EXT1: variants seen among roughly 807,000 people sequenced by gnomAD.
EXT1 encodes exostosin-1.
Under a neutral mutation model 82.5 loss-of-function variants are expected in EXT1, and 20 were observed. That is an observed-to-expected ratio of 0.24 (90% CI 0.17 to 0.35). EXT1 has a LOEUF of 0.35. Ranked by LOEUF, EXT1 falls within the 10% of genes least tolerant of loss-of-function variation. EXT1 has a pLI of 1.00. For missense variants in EXT1, 757 were observed against 936.5 expected (o/e 0.81, Z 2.50); for synonymous variants, 348 against 350.8 (o/e 0.99, Z 0.09).
In EXT1 at chr8:117,930,116, AT is replaced by A. The variant is rs935176343; in HGVS notation, c.963-92916del. On this transcript the variant is annotated intron_variant, in intron 1 of 10. Transcript: ENST00000378204. ...GAGACTCCATCTCAAAAAAAAAAAA[AT>A]AAAGACAGAAGAGAAGAGGAAGAGT... 8.6e-5 allele frequency among the ~76,000 whole-genome samples: 13 copies of A among 151,760 alleles called. No individual in the cohort carries two copies. The South Asian group carries it at 1.9e-3, about 22-fold the overall frequency.
intron 1 of EXT1, among the ~76,000 whole-genome samples, chr8:117,848,590 A>C (rs1025522119): frequency 6.6e-6 from 1 of 152,262 alleles, no homozygotes; most frequent in East Asian, 1.9e-4. Context: ...CACTGGACAA[A>C]GGAGTATTGA....
intron 1 of EXT1, among the ~76,000 whole-genome samples, chr8:118,057,462 C>T (rs747304794): frequency 3.3e-5 from 5 of 151,978 alleles, no homozygotes; most frequent in Admixed American, 6.6e-5. Flanking sequence ...ATCACTTGAA[C>T]CCAGGAGGGA....
In EXT1 at chr8:118,072,132, A is replaced by C. The variant is rs17477007; in HGVS notation, c.962+37953T>G. ...CCCCGCCTTGGTTCCCTCATTTTGC[A>C]AAATGGAGAAAAGCATACCTATCTC... On this transcript the variant is annotated intron_variant, in intron 1 of 10. Coordinates refer to ENST00000378204, the MANE Select transcript of EXT1 (RefSeq NM_000127.3). Among the ~76,000 whole-genome samples, 473 of 152,330 alleles carry C rather than the reference A, an allele frequency of 3.1e-3. 3 individuals carry two copies. The highest frequency in any genetic ancestry group is 0.011 in the African/African-American group (437 of 41,578).
chr8:117,976,263 G>GA (rs1758900281), intron 1 of EXT1, among the ~76,000 whole-genome samples: 1 of 152,118 alleles, frequency 6.6e-6, no homozygotes. Flanking sequence ...CAATTCCTTT[G>GA]AGGCTATATA....
intron 1 of EXT1, among the ~76,000 whole-genome samples, chr8:118,041,959 A>C (rs1263021097): frequency 6.6e-6 from 1 of 151,854 alleles, no homozygotes; most frequent in Non-Finnish European, 1.5e-5. Context: ...GAAAAAAAAA[A>C]AAAAAGAAAG....
intron 1 of EXT1, among the ~76,000 whole-genome samples, chr8:118,100,288 C>A (rs776138578): frequency 1.3e-5 from 2 of 152,244 alleles, no homozygotes; most frequent in East Asian, 3.9e-4. Flanking sequence ...TCAGTTTCTG[C>A]CCCATGTCCC....
chr8:117,853,292 C>T (rs1321423019), intron 1 of EXT1, among the ~76,000 whole-genome samples: 1 of 152,142 alleles, frequency 6.6e-6, no homozygotes, highest in African/African-American at 2.4e-5. Context: ...CGCCTGTGAT[C>T]CCAGCACTTG....
intron 1 of EXT1, among the ~76,000 whole-genome samples, chr8:117,973,215 G>A (rs1405239031): frequency 6.6e-6 from 1 of 152,170 alleles, no homozygotes; most frequent in Non-Finnish European, 1.5e-5. Flanking sequence ...ACAATAAACT[G>A]ATGGTAGCAC....
intron 1 of EXT1, among the ~76,000 whole-genome samples, chr8:117,848,646 G>T (rs1812404886): frequency 6.6e-6 from 1 of 152,166 alleles, no homozygotes; most frequent in South Asian, 2.1e-4. Context: ...GGGACGCCAT[G>T]AAGCAAGAGT....
intron 1 of EXT1, among the ~76,000 whole-genome samples, chr8:117,885,315 G>A (rs1025627962): frequency 6.6e-6 from 1 of 152,046 alleles, no homozygotes; most frequent in African/African-American, 2.4e-5. Flanking sequence ...ATCAAAAGAT[G>A]GGAACTTGCC....
In EXT1 at chr8:117,892,861, C is replaced by T. The variant is rs560378904; in HGVS notation, c.963-55660G>A. Among the ~76,000 whole-genome samples, 154 of 152,228 alleles carry T rather than the reference C, an allele frequency of 1.0e-3. 1 individual carries two copies. The highest frequency in any genetic ancestry group is 3.6e-3 in the African/African-American group (148 of 41,538). ...AGAGAAAGAAAAGAGTCAAGGACAA[C>T]GGCAAGGTTTTGGCCTGAGGAACTC... On this transcript the variant is annotated intron_variant, in intron 1 of 10. Transcript: ENST00000378204.
chr8:117,804,602 T>C (rs1823210607), intron 10 of EXT1, 120 bp downstream of exon 10: 8 of 1,090,176 alleles, frequency 7.3e-6, no homozygotes, highest in Admixed American at 5.1e-5. Context: ...ATGTAGTTCA[T>C]TCCTGGTTTC....
At position 118,110,414 on chromosome 8, in the gene EXT1, G is replaced by A. The variant is rs778252541; in HGVS notation, c.633C>T (p.Ile211=). Residue 211 remains isoleucine, a synonymous_variant, in exon 1 of 11, where the codon ATC becomes ATT. Coordinates refer to ENST00000378204, the MANE Select transcript of EXT1 (RefSeq NM_000127.3). The part of the protein sequence containing the change: ...PDYTEDVGFD[I]GQAMLAKASI... ...TGGCTTTGGCCAGCATCGCCTGGCC[G>A]ATGTCAAACCCCACGTCCTCGGTGT... The A allele has an allele frequency of 6.2e-7, 1 of 1,614,174 alleles. No individual in the cohort carries two copies. Among genetic ancestry groups the A allele is most frequent in the Non-Finnish European group, 8.5e-7 (1 of 1,180,044 alleles).
intron 4 of EXT1, among the ~76,000 whole-genome samples, chr8:117,829,628 T>C (rs986217347): frequency 7.0e-6 from 1 of 142,974 alleles, no homozygotes; most frequent in Non-Finnish European, 1.5e-5. Flanking sequence ...GGCTGGAGTA[T>C]AATGGTGCAA....
At chr8:117,990,797 T>C (rs1815416534) in intron 1 of EXT1, among the ~76,000 whole-genome samples, 1 of 152,184 alleles carries the variant, frequency 6.6e-6, no homozygotes, top group Non-Finnish European at 1.5e-5. Context: ...GCACCGTGCA[T>C]GGAGGAAAAA....
chr8:118,035,326 G>C (rs965639407), intron 1 of EXT1, among the ~76,000 whole-genome samples: 6 of 152,078 alleles, frequency 3.9e-5, no homozygotes, highest in African/African-American at 1.4e-4. Context: ...ACCAAGGTCT[G>C]AAGCCACCGG....
intron 1 of EXT1, among the ~76,000 whole-genome samples, chr8:117,996,501 T>C (rs564425123): frequency 6.6e-6 from 1 of 152,306 alleles, no homozygotes; most frequent in East Asian, 1.9e-4. Flanking sequence ...TCAGATGATT[T>C]TAGCCACAGC....
intron 1 of EXT1, among the ~76,000 whole-genome samples, chr8:118,033,071 T>C (rs1461710283): frequency 6.6e-6 from 1 of 152,190 alleles, no homozygotes; most frequent in Non-Finnish European, 1.5e-5. Context: ...TTCAGGTATT[T>C]ATGCCCATTG....
chr8:118,106,910 T>C (rs1817810955), intron 1 of EXT1, among the ~76,000 whole-genome samples: 2 of 152,222 alleles, frequency 1.3e-5, no homozygotes, highest in African/African-American at 4.8e-5. Context: ...AAAATTGATA[T>C]TTTAATATAA....
Sources: gnomAD v4.1 joint callset for allele counts (sites outside exome capture counted in the v4.1 genomes callset) on GRCh38, gnomAD v4.1.1 for gene constraint, MANE v1.5 for transcripts, NCBI Gene and HGNC (gene_info 2026-07-23, HGNC 2026-07-21) for gene names.